ISLR2: variants seen among roughly 807,000 people sequenced by gnomAD.
The protein encoded by ISLR2 is immunoglobulin superfamily containing leucine rich repeat 2, also known as immunoglobulin superfamily containing leucine-rich repeat protein 2.
In ISLR2, 16 loss-of-function variants were observed where a neutral mutation model predicts 25.5. That is an observed-to-expected ratio of 0.63 (90% CI 0.43 to 0.95). The LOEUF (loss-of-function observed/expected upper bound fraction) is 0.95. ISLR2 is among the 40% of genes least tolerant of loss of function. The probability of loss-of-function intolerance (pLI) is 0.00; values close to 1 mark genes in which losing one functional copy is unlikely to be tolerated. For synonymous variants in ISLR2, 508 were observed against 486.6 expected, an observed-to-expected ratio of 1.04 and a Z score of -0.58; for missense variants, 883 against 1,030.7, an observed-to-expected ratio of 0.86 and a Z score of 1.96.
At chr15:74,118,273 C>A (rs1019829077) in intron 2 of ISLR2, among the ~76,000 whole-genome samples, 2 of 151,936 alleles carry the variant, frequency 1.3e-5, no homozygotes, top group African/African-American at 4.8e-5. Flanking sequence ...AGGGAGTGTA[C>A]GAATAGGGTG....
rs757702455 is a variant in ISLR2, at chr15:74,134,379, A to C, written c.1625A>C (p.Gln542Pro). The C allele has an allele frequency of 6.2e-7, 1 of 1,606,888 alleles. No individual in the cohort carries two copies. The highest frequency in any genetic ancestry group is 1.1e-5 in the South Asian group (1 of 90,176). Residue 542 changes from glutamine (Q) to proline (P), a missense_variant, in exon 3 of 3, where the codon CAG becomes CCG. Gln to Pro is a moderately conservative substitution (Grantham distance 76). Transcript: ENST00000453268. Reference protein sequence around the residue: ...LCPAGGGAAVQWSRVEEGVNA... With the variant: ...LCPAGGGAAVPWSRVEEGVNA... ...CCAGCGGGGGGCGGCGCGGCAGTGC[A>C]GTGGTCCCGCGTAGAGGAAGGCGTC...
chr15:74,113,864 C>T (rs2072190023), intron 2 of ISLR2, among the ~76,000 whole-genome samples: 1 of 152,188 alleles, frequency 6.6e-6, no homozygotes. Flanking sequence ...CTGTTTAGCT[C>T]TCAGCTCCCC....
At chr15:74,112,298 G>C (rs1163566594) in intron 2 of ISLR2, among the ~76,000 whole-genome samples, 1 of 152,072 alleles carries the variant, frequency 6.6e-6, no homozygotes, top group Non-Finnish European at 1.5e-5. Context: ...AGAGATGCCA[G>C]ATAAAATATA....
chr15:74,129,269 A>G, upstream of ISLR2: 1 of 326,190 alleles, frequency 3.1e-6, no homozygotes, highest in Non-Finnish European at 6.0e-6. The surrounding 1 kb of genome is among the most constrained non-coding windows in gnomAD (Gnocchi z 4.5). Flanking sequence ...TATTTAATTT[A>G]CAAAGCAGCC....
At chr15:74,138,549 GAAAGA>G, downstream of ISLR2, 1 of 152,664 alleles carries the variant, frequency 6.6e-6, no homozygotes, top group Non-Finnish European at 1.5e-5. Context: ...TGCCTTAAAG[GAAAGA>G]AGAGTTCTAC....
rs1370542763 is a variant in ISLR2, at chr15:74,132,035, C to CT, written c.-8-710dup. On this transcript the variant is annotated intron_variant, in intron 2 of 2. Transcript: ENST00000453268. The surrounding 1 kb of genome is among the most constrained non-coding windows in gnomAD (Gnocchi z 4.3). Reference sequence around the variant, plus strand: ...GTGGGTGGGTCGGTTCGTGTGAGGACTTGTGTCCTTGTGTCTGTCAATTGT... The same window carrying CT: ...GTGGGTGGGTCGGTTCGTGTGAGGACTTTGTGTCCTTGTGTCTGTCAATTGT... 6.6e-6 allele frequency: 1 copy of CT among 152,314 alleles called. No homozygotes were observed. The highest frequency in any genetic ancestry group is 1.5e-5 in the Non-Finnish European group (1 of 68,126). 9.4% of individuals were successfully genotyped at this position (152,314 alleles called of 1,614,324 possible).
At position 74,135,865 on chromosome 15, in the gene ISLR2, T is replaced by TC. The variant is rs2072556806; in HGVS notation, c.*875dup. 1 of 167,022 alleles carries TC rather than the reference T, an allele frequency of 6.0e-6. No homozygotes were observed. Among genetic ancestry groups the TC allele is most frequent in the South Asian group, 2.1e-4 (1 of 4,814 alleles). 10.3% of individuals were successfully genotyped at this position (167,022 alleles called of 1,614,324 possible). A position where few individuals can be genotyped will look rare whatever the true frequency, so the allele number is the denominator to read the frequency against. On this transcript the variant is annotated 3_prime_UTR_variant, in exon 3 of 3. Coordinates refer to ENST00000453268, the MANE Select transcript of ISLR2 (RefSeq NM_020851.3). The stretch of plus-strand genomic sequence containing the variant: ...TTCGTGGCAACCCCTAGTTTTTAGT[T>TC]CCAAAGCCTCCTGCCGGCAGGGAAC...
At chr15:74,126,345 G>GTTTTTTTTTTTTTTT (rs1228122616), upstream of ISLR2, 1 of 139,970 alleles carries the variant, frequency 7.1e-6, no homozygotes, top group African/African-American at 2.9e-5. Flanking sequence ...AAAAGCATAG[G>GTTTTTTTTTTTTTTT]TATTTTTTTT....
intron 2 of ISLR2, among the ~76,000 whole-genome samples, chr15:74,116,588 C>T (rs2072213210): frequency 6.6e-6 from 1 of 152,086 alleles, no homozygotes; most frequent in Non-Finnish European, 1.5e-5. Flanking sequence ...GGAATGAAGA[C>T]CACTGACATA....
At chr15:74,115,903 A>AC (rs1340745821) in intron 2 of ISLR2, among the ~76,000 whole-genome samples, 2 of 151,582 alleles carry the variant, frequency 1.3e-5, no homozygotes, top group African/African-American at 4.9e-5. Flanking sequence ...AAAAAAAAAA[A>AC]AAAAACAACA....
At chr15:74,116,624 A>T (rs1567155462) in intron 2 of ISLR2, among the ~76,000 whole-genome samples, 1 of 152,204 alleles carries the variant, frequency 6.6e-6, no homozygotes, top group Non-Finnish European at 1.5e-5. Context: ...AATAGAAAAG[A>T]TCCTATTTTC....
At chr15:74,122,974 C>T (rs574453714) in intron 2 of ISLR2, among the ~76,000 whole-genome samples, 30 of 152,186 alleles carry the variant, frequency 2.0e-4, no homozygotes, top group Non-Finnish European at 3.1e-4. Flanking sequence ...GATGGCCCCA[C>T]GGAATGGAGG....
At chr15:74,111,323 C>A (rs1213537933) in intron 2 of ISLR2, among the ~76,000 whole-genome samples, 3 of 152,012 alleles carry the variant, frequency 2.0e-5, no homozygotes, top group Non-Finnish European at 4.4e-5. Context: ...GACAAAGTCT[C>A]ACTCTGGCCC....
chr15:74,112,963 GACC>G (rs2072181077), intron 2 of ISLR2, among the ~76,000 whole-genome samples: 1 of 152,048 alleles, frequency 6.6e-6, no homozygotes, highest in African/African-American at 2.4e-5. Context: ...AAGTAGCTGG[GACC>G]ACAGGCACAT....
chr15:74,133,618 G>A lies in ISLR2; in HGVS notation c.864G>A (p.Leu288=). 1 of 1,613,948 alleles carries A rather than the reference G, an allele frequency of 6.2e-7. No individual in the cohort carries two copies. The highest frequency in any genetic ancestry group is 8.5e-7 in the Non-Finnish European group (1 of 1,179,960). Residue 288 remains leucine (L), a synonymous_variant, in exon 3 of 3, where the codon CTG becomes CTA. Coordinates refer to ENST00000453268, the MANE Select transcript of ISLR2 (RefSeq NM_020851.3). ...GGTVVLEPPV[L]SGEDDGVGAE... ...CCGTAGTCTTAGAGCCACCGGTTCT[G>A]AGCGGGGAGGACGACGGGGTTGGGG...
chr15:74,133,694 G>A lies in ISLR2; in HGVS notation c.940G>A (p.Ala314Thr), dbSNP rs1375442658. 8.1e-6 allele frequency: 13 copies of A among 1,607,548 alleles called. No homozygotes were observed. Among genetic ancestry groups the A allele is most frequent in the Non-Finnish European group, 1.0e-5 (12 of 1,177,038 alleles). ...TGGGGATTTGCTGACGCAGACCCAA[G>A]CCCAAACGCCGACTCCAGCACCCGC... is the stretch of plus-strand genomic sequence containing the variant. ...GDGDLLTQTQ[A>T]QTPTPAPAWP... Residue 314 changes from alanine to threonine, a missense_variant, in exon 3 of 3, where the codon GCC (alanine) becomes ACC (threonine). Ala to Thr is a moderately conservative substitution (Grantham distance 58, BLOSUM62 0). Transcript: ENST00000453268.
At position 74,133,457 on chromosome 15, in the gene ISLR2, G is replaced by C. The variant is rs747591965; in HGVS notation, c.703G>C (p.Val235Leu). ...LPALPCAPPS[V>L]HLSAEPPLEA... ...CGCCCTGCCCTGTGCACCGCCCAGC[G>C]TGCATCTGAGTGCCGAGCCACCGCT... Residue 235 changes from valine (V) to leucine (L), a missense_variant, in exon 3 of 3, where the codon GTG (valine) becomes CTG (leucine). Physicochemically the swap from Val to Leu is conservative, Grantham distance 32. This residue lies in a region of ISLR2 where 271 missense variants were observed against 387.9 expected (regional missense o/e 0.70). Transcript: ENST00000453268. 25 of 1,611,658 alleles carry C rather than the reference G, an allele frequency of 1.6e-5. No homozygotes were observed. In the South Asian group the frequency reaches 2.6e-4, roughly 17 times the overall value.
intron 2 of ISLR2, among the ~76,000 whole-genome samples, chr15:74,118,912 C>T (rs1412193609): frequency 1.3e-5 from 2 of 152,104 alleles, no homozygotes; most frequent in African/African-American, 4.8e-5. Flanking sequence ...CCACCTCAGC[C>T]TCCCAGAGTG....
At position 74,134,471 on chromosome 15, in the gene ISLR2, G is replaced by A; in HGVS notation, c.1717G>A (p.Glu573Lys). The A allele has an allele frequency of 3.1e-6, 5 of 1,610,942 alleles. No homozygotes were observed. Among genetic ancestry groups the A allele is most frequent in the Non-Finnish European group, 3.4e-6 (4 of 1,179,344 alleles). Residue 573 changes from glutamate (E) to lysine (K), a missense_variant, in exon 3 of 3, where the codon GAA (glutamate) becomes AAA (lysine). Glu to Lys is a moderately conservative substitution (Grantham distance 56). Transcript: ENST00000453268. ...NYSVCLALAGEACHVQVVFST... is the reference protein window; with the variant it reads ...NYSVCLALAGKACHVQVVFST... ...CTCCGTGTGCCTGGCGCTGGCGGGCGAAGCCTGCCACGTGCAAGTGGTGTT... is the reference window on the plus strand; with the variant it reads ...CTCCGTGTGCCTGGCGCTGGCGGGCAAAGCCTGCCACGTGCAAGTGGTGTT...
Sources: gnomAD v4.1 joint callset for allele counts (sites outside exome capture counted in the v4.1 genomes callset) on GRCh38, gnomAD v4.1.1 for gene constraint, gnomAD v4.1.1 regional missense constraint, Gnocchi (gnomAD v3.1) non-coding constraint, MANE v1.5 for transcripts, NCBI Gene and HGNC (gene_info 2026-07-23, HGNC 2026-07-21) for gene names.